The following TRPM3 variants were observed in gnomAD, a reference collection of about 807,000 sequenced individuals.
TRPM3 encodes long transient receptor potential channel 3.
A neutral mutation model predicts 181.2 loss-of-function variants in TRPM3; 77 were observed. That is an observed-to-expected ratio of 0.42 (90% CI 0.35 to 0.51). The LOEUF is 0.51. Among genes scored for constraint, TRPM3 ranks in the 20% least tolerant of loss-of-function variants. The pLI is 0.01. For synonymous variants in TRPM3, 745 were observed against 796.4 expected (o/e 0.94, Z 1.09); for missense variants, 1,759 against 2,196.7 (o/e 0.80, Z 3.98).
chr9:71,049,410 A>G (rs971434232), intron 1 of TRPM3, among the ~76,000 whole-genome samples: 7 of 152,210 alleles, frequency 4.6e-5, no homozygotes, highest in African/African-American at 1.7e-4. Context: ...ACTGAAATAT[A>G]GTATATAATA....
intron 1 of TRPM3, among the ~76,000 whole-genome samples, chr9:70,998,200 T>TAC (rs2097562232): frequency 6.9e-6 from 1 of 145,466 alleles, no homozygotes; most frequent in African/African-American, 2.5e-5. Context: ...TACACATATA[T>TAC]ACATATATAT....
chr9:71,088,430 G>A (rs893714250), intron 1 of TRPM3, among the ~76,000 whole-genome samples: 1 of 152,046 alleles, frequency 6.6e-6, no homozygotes, highest in Admixed American at 6.6e-5. Flanking sequence ...TATTTTAAAA[G>A]ACTGACACAA....
intron 1 of TRPM3, among the ~76,000 whole-genome samples, chr9:71,324,945 G>A (rs889556192): frequency 3.9e-5 from 6 of 152,184 alleles, no homozygotes; most frequent in African/African-American, 1.4e-4. Context: ...TGGAAAGGGT[G>A]AGTGGGGGAG....
chr9:71,389,833 G>A (rs1010393391), intron 1 of TRPM3, among the ~76,000 whole-genome samples: 1 of 151,984 alleles, frequency 6.6e-6, no homozygotes, highest in Non-Finnish European at 1.5e-5. Flanking sequence ...GGAGTTGAGG[G>A]GAAGAGTAGG....
At chr9:70,898,747 CAAA>C (rs34952516) in intron 1 of TRPM3, among the ~76,000 whole-genome samples, 56 of 93,308 alleles carry the variant, frequency 6.0e-4, no homozygotes, top group African/African-American at 1.0e-3. Flanking sequence ...GACTTCATCT[CAAA>C]AAAAAAAAAA....
chr9:70,787,763 C>CTTTTTTTTTTTTTTTTTTTTTTTATTT, intron 6 of TRPM3, among the ~76,000 whole-genome samples: 1 of 68,558 alleles, frequency 1.5e-5, no homozygotes, highest in Non-Finnish European at 2.6e-5. Context: ...TTTTTGGATT[C>CTTTTTTTTTTTTTTTTTTTTTTTATTT]TTTTTTTTTT....
At chr9:71,183,227 C>G (rs1242767989) in intron 1 of TRPM3, among the ~76,000 whole-genome samples, 2 of 152,080 alleles carry the variant, frequency 1.3e-5, no homozygotes, top group Non-Finnish European at 2.9e-5. Flanking sequence ...CACAGTCAAA[C>G]TCTGCAAGGT....
intron 1 of TRPM3, among the ~76,000 whole-genome samples, chr9:71,067,154 A>G (rs1381379147): frequency 6.6e-6 from 1 of 152,142 alleles, no homozygotes; most frequent in African/African-American, 2.4e-5. Flanking sequence ...AGAAGTCAAG[A>G]TGGCTTCAGA....
chr9:70,676,157 A>G (rs536764096), intron 9 of TRPM3, among the ~76,000 whole-genome samples: 2 of 152,366 alleles, frequency 1.3e-5, no homozygotes, highest in African/African-American at 4.8e-5. Context: ...AGCAAGCAAT[A>G]AAGGTTACTT....
At chr9:71,053,156 C>G (rs1421712313) in intron 1 of TRPM3, among the ~76,000 whole-genome samples, 1 of 145,812 alleles carries the variant, frequency 6.9e-6, no homozygotes, top group Non-Finnish European at 1.5e-5. Flanking sequence ...CAAGTCTTGC[C>G]ATTCACAACC....
intron 1 of TRPM3, among the ~76,000 whole-genome samples, chr9:71,331,864 GGAGGAGGAAGAAA>G (rs2090187869): frequency 5.7e-3 from 3 of 524 alleles, no homozygotes; most frequent in Admixed American, 0.021. Flanking sequence ...AGGAGACGGA[GGAGGAGGAAGAAA>G]GAGGAGGAAG....
chr9:70,631,870 A>C (rs2065919972), intron 12 of TRPM3, among the ~76,000 whole-genome samples: 1 of 152,232 alleles, frequency 6.6e-6, no homozygotes, highest in African/African-American at 2.4e-5. Context: ...TGGAGATGTC[A>C]TGCTGATTGA....
intron 19 of TRPM3, among the ~76,000 whole-genome samples, chr9:70,609,046 A>G (rs1287168321): frequency 6.6e-6 from 1 of 152,210 alleles, no homozygotes; most frequent in Non-Finnish European, 1.5e-5. Flanking sequence ...TCACAGTTAC[A>G]TTGTACTTAT....
rs150398635 is a variant in TRPM3, at chr9:71,216,072, G to A, written c.183+230581C>T. Reference sequence around the variant, plus strand: ...AAGCTAAGCATTTGATGGCTTAAGTGAGAATCTACTCCTTGACTGTAACTG... The same window carrying A: ...AAGCTAAGCATTTGATGGCTTAAGTAAGAATCTACTCCTTGACTGTAACTG... On this transcript the variant is annotated intron_variant, in intron 1 of 24. Coordinates refer to the TRPM3 transcript ENST00000357533. Among the ~76,000 whole-genome samples, 6 of 152,320 alleles carry A rather than the reference G, an allele frequency of 3.9e-5. No individual in the cohort carries two copies. In the East Asian group the frequency reaches 9.7e-4, roughly 25 times the overall value.
intron 21 of TRPM3, among the ~76,000 whole-genome samples, chr9:70,594,324 T>G (rs1175463837): frequency 6.6e-6 from 1 of 152,160 alleles, no homozygotes; most frequent in Non-Finnish European, 1.5e-5. Flanking sequence ...GAGGTCAGGT[T>G]GTGGGGTCAG....
At chr9:70,590,827 T>C (rs550367910) in intron 22 of TRPM3, among the ~76,000 whole-genome samples, 87 of 152,324 alleles carry the variant, frequency 5.7e-4, no homozygotes, top group African/African-American at 2.0e-3. Flanking sequence ...GAACATGACA[T>C]ACCTAAAGAA....
At chr9:71,443,246 C>G (rs895911803) in intron 1 of TRPM3, among the ~76,000 whole-genome samples, 19 of 151,162 alleles carry the variant, frequency 1.3e-4, no homozygotes, top group African/African-American at 3.9e-4. Flanking sequence ...TGGATTATAG[C>G]AAAGCAACAT....
rs1250228440 is a variant in TRPM3, at chr9:71,204,282, A to G, written c.183+242371T>C. ...CCATCAGAGTGAACAGGCAACCTAC[A>G]GAATGGGAGAAAATTTTTGCAACCT... On this transcript the variant is annotated intron_variant, in intron 1 of 24. Coordinates refer to the TRPM3 transcript ENST00000357533. Among the ~76,000 whole-genome samples, 4 of 151,238 alleles carry G rather than the reference A, an allele frequency of 2.6e-5. No individual in the cohort carries two copies. The East Asian group carries it at 7.8e-4, about 29-fold the overall frequency.
At chr9:70,604,166 C>T (rs1275060565) in intron 19 of TRPM3, among the ~76,000 whole-genome samples, 1 of 152,150 alleles carries the variant, frequency 6.6e-6, no homozygotes, top group East Asian at 1.9e-4. Context: ...GTTTAATCCC[C>T]AAGAGGCTCT....
Sources: allele counts gnomAD v4.1 joint callset (sites outside exome capture counted in the v4.1 genomes callset), GRCh38; gene constraint gnomAD v4.1.1; transcripts MANE v1.5; gene names NCBI Gene and HGNC (gene_info 2026-07-23, HGNC 2026-07-21).